Variants in VTI1A observed in about 807,000 individuals in gnomAD.
The protein encoded by VTI1A is vesicle transport through interaction with t-SNAREs homolog 1A.
VTI1A carries 22 observed loss-of-function variants against 34.9 expected under a neutral mutation model. The observed-to-expected ratio is 0.63, with a 90% CI of 0.45 to 0.90. VTI1A has a LOEUF of 0.90. VTI1A is among the 40% of genes least tolerant of loss of function. VTI1A has a pLI of 0.00. For synonymous variants in VTI1A, 87 were observed against 97.3 expected (o/e 0.89, Z 0.62); for missense variants, 268 against 275.6 (o/e 0.97, Z 0.20).
At chr10:112,654,100 A>G (rs1363663482) in intron 5 of VTI1A, among the ~76,000 whole-genome samples, 1 of 152,230 alleles carries the variant, frequency 6.6e-6, no homozygotes, top group African/African-American at 2.4e-5. Context: ...AAAGCAAACA[A>G]TAATAAACTT....
At chr10:112,455,644 T>G (rs1018558556) in intron 1 of VTI1A, among the ~76,000 whole-genome samples, 1 of 119,886 alleles carries the variant, frequency 8.3e-6, no homozygotes, top group Admixed American at 8.3e-5. Flanking sequence ...CCTTCCCTCC[T>G]TCTCCCCTCC....
At chr10:112,839,867 G>A in the VTI1A span, among the ~76,000 whole-genome samples, 1 of 152,212 alleles carries the variant, frequency 6.6e-6, no homozygotes, top group Non-Finnish European at 1.5e-5. Context: ...GATAGAGGAT[G>A]AGTGGTGACA....
the VTI1A span, among the ~76,000 whole-genome samples, chr10:112,845,036 A>G: frequency 1.3e-5 from 2 of 152,328 alleles, no homozygotes; most frequent in Non-Finnish European, 2.9e-5. Context: ...CCAGAGGACT[A>G]TGACCGTGTC....
At chr10:112,574,230 A>G (rs1226995605) in intron 5 of VTI1A, among the ~76,000 whole-genome samples, 4 of 152,240 alleles carry the variant, frequency 2.6e-5, no homozygotes, top group Non-Finnish European at 5.9e-5. Context: ...TAAAGGGGAC[A>G]GGGAGAACTG....
At chr10:112,572,060 T>G (rs57625177) in intron 5 of VTI1A, among the ~76,000 whole-genome samples, 26,269 of 110,404 alleles carry the variant, frequency 0.24, 3,414 homozygotes, top group African/African-American at 0.45. Context: ...GACAGGATCA[T>G]TGCACCTCAA....
In VTI1A at chr10:112,464,626, A is replaced by G; in HGVS notation, c.233A>G (p.Lys78Arg). 1.9e-6 allele frequency: 3 copies of G among 1,612,454 alleles called. No homozygotes were observed. The highest frequency in any genetic ancestry group is 2.5e-6 in the Non-Finnish European group (3 of 1,178,930). Residue 78 changes from lysine (K) to arginine (R), a missense_variant, in exon 3 of 8, where the codon AAA (lysine) becomes AGA (arginine). By Grantham distance (26) the Lys-to-Arg change is conservative. Transcript: ENST00000393077. ...GMYSNRMRSY[K>R]QEMGKLETDF... ...TACAGCAACAGAATGAGAAGCTACA[A>G]ACAAGAAATGGGAAAACTCGAAACA...
chr10:112,597,698 T>TTTG (rs1564842548), intron 5 of VTI1A, among the ~76,000 whole-genome samples: 1 of 126,038 alleles, frequency 7.9e-6, no homozygotes, highest in African/African-American at 3.1e-5. Flanking sequence ...TGTCTCTTTT[T>TTTG]TTTTTTTTTT....
chr10:112,853,546 A>C, the VTI1A span, among the ~76,000 whole-genome samples: 1 of 152,206 alleles, frequency 6.6e-6, no homozygotes, highest in African/African-American at 2.4e-5. Context: ...TGACCTTCAA[A>C]AGGTAATGGA....
intron 3 of VTI1A, among the ~76,000 whole-genome samples, chr10:112,491,347 C>G (rs1192717427): frequency 1.3e-5 from 2 of 152,198 alleles, no homozygotes; most frequent in African/African-American, 2.4e-5. Flanking sequence ...AAGTTACTTT[C>G]TAGCTGAGTC....
chr10:112,584,529 A>G (rs12243296), intron 5 of VTI1A, among the ~76,000 whole-genome samples: 12,675 of 152,298 alleles, frequency 0.083, 611 homozygotes, highest in Non-Finnish European at 0.1. Context: ...CCTGTCAGGT[A>G]TGCTTCCAAC....
At chr10:112,576,837 G>A (rs148338752) in intron 5 of VTI1A, among the ~76,000 whole-genome samples, 149 of 152,100 alleles carry the variant, frequency 9.8e-4, no homozygotes, top group African/African-American at 3.1e-3. Context: ...TACATTTCAC[G>A]TCACAATTTA....
intron 5 of VTI1A, among the ~76,000 whole-genome samples, chr10:112,538,807 TA>T (rs35122946): frequency 0.012 from 1,822 of 147,978 alleles, 50 homozygotes; most frequent in African/African-American, 0.042. Flanking sequence ...TAATCCTGTT[TA>T]AAAAAAAAAA....
intron 5 of VTI1A, among the ~76,000 whole-genome samples, chr10:112,577,567 T>C (rs1180369090): frequency 6.6e-6 from 1 of 152,140 alleles, no homozygotes; most frequent in African/African-American, 2.4e-5. Context: ...AAGAAAGCCA[T>C]CCCCTGTGGG....
intron 5 of VTI1A, among the ~76,000 whole-genome samples, chr10:112,572,918 G>T (rs1476685195): frequency 6.6e-6 from 1 of 151,470 alleles, no homozygotes; most frequent in African/African-American, 2.4e-5. Context: ...TATTTTAGAA[G>T]TTTCTCACTA....
intron 5 of VTI1A, among the ~76,000 whole-genome samples, chr10:112,631,929 C>T (rs1846144800): frequency 6.6e-6 from 1 of 152,144 alleles, no homozygotes; most frequent in Non-Finnish European, 1.5e-5. Flanking sequence ...TCTTATAGAA[C>T]ATAATCCAGG....
rs1397737651 is a variant in VTI1A, at chr10:112,604,286, TG to T, written c.428-63929del. 2.6e-5 allele frequency among the ~76,000 whole-genome samples: 4 copies of T among 152,286 alleles called. No homozygotes were observed. The East Asian group carries it at 7.7e-4, about 29-fold the overall frequency. On this transcript the variant is annotated intron_variant, in intron 5 of 7. Coordinates refer to ENST00000393077, the MANE Select transcript of VTI1A (RefSeq NM_145206.4). ...CAAAATGGGGCTTGTAACAACTTCA[TG>T]GGTTATTAGGAAGATACATGTAAAC...
chr10:112,529,830 A>G (rs1338392073), intron 4 of VTI1A, among the ~76,000 whole-genome samples: 1 of 152,100 alleles, frequency 6.6e-6, no homozygotes, highest in Non-Finnish European at 1.5e-5. Flanking sequence ...TCAATGTAAC[A>G]TACACATCCT....
chr10:112,699,824 T>C (rs1434546339), intron 7 of VTI1A, among the ~76,000 whole-genome samples: 1 of 120,846 alleles, frequency 8.3e-6, no homozygotes, highest in Non-Finnish European at 1.7e-5. Flanking sequence ...CAAAACTCCG[T>C]CTCAAAAAAA....
In VTI1A at chr10:112,529,988, A is replaced by G. The variant is rs1347851637; in HGVS notation, c.342+2824A>G. On this transcript the variant is annotated intron_variant, in intron 4 of 7. Coordinates refer to ENST00000393077, the MANE Select transcript of VTI1A (RefSeq NM_145206.4). ...ATAGTCTGCCAATTAACTATAAAGT[A>G]TGTTAATTTACTCTTAGGTACATAA... Among the ~76,000 whole-genome samples the G allele has an allele frequency of 3.3e-5, 5 of 152,160 alleles. No homozygotes were observed. In the South Asian group the frequency reaches 1.0e-3, roughly 31 times the overall value.
Sources: gnomAD v4.1 joint callset for allele counts (sites outside exome capture counted in the v4.1 genomes callset) on GRCh38, gnomAD v4.1.1 for gene constraint, MANE v1.5 for transcripts, NCBI Gene and HGNC (gene_info 2026-07-23, HGNC 2026-07-21) for gene names.